SUGCT: variants seen among roughly 807,000 people sequenced by gnomAD.
The protein encoded by SUGCT is succinyl-CoA:glutarate-CoA transferase, also known as succinyl-CoA:glutarate CoA-transferase.
In SUGCT, 41 loss-of-function variants were observed where a neutral mutation model predicts 55.0. The observed-to-expected ratio is 0.74, with a 90% confidence interval of 0.58 to 0.97. SUGCT has a LOEUF of 0.97. Among genes scored for constraint, SUGCT ranks in the 50% least tolerant of loss-of-function variants. The pLI, the probability that SUGCT is intolerant of heterozygous loss-of-function variation, is 0.00. For missense variants in SUGCT, 568 were observed against 547.8 expected, an observed-to-expected ratio of 1.04 and a Z score of -0.37; for synonymous variants, 187 against 200.4, an observed-to-expected ratio of 0.93 and a Z score of 0.56.
At chr7:40,708,554 G>A (rs1019397741) in intron 12 of SUGCT, among the ~76,000 whole-genome samples, 1 of 152,028 alleles carries the variant, frequency 6.6e-6, no homozygotes, top group Non-Finnish European at 1.5e-5. Flanking sequence ...GAGGCCTTCC[G>A]ATCACATCAT....
chr7:40,324,315 G>A (rs544178339), intron 9 of SUGCT, among the ~76,000 whole-genome samples: 2 of 148,126 alleles, frequency 1.4e-5, no homozygotes, highest in Non-Finnish European at 3.0e-5. Flanking sequence ...GAGTGCAGTG[G>A]CGCAATCTCA....
At chr7:40,835,435 T>C (rs1191567375) in intron 13 of SUGCT, among the ~76,000 whole-genome samples, 1 of 152,248 alleles carries the variant, frequency 6.6e-6, no homozygotes. Flanking sequence ...TGATGGCTCC[T>C]ACAAGCACTT....
chr7:40,715,542 GC>G (rs908215924), intron 12 of SUGCT, among the ~76,000 whole-genome samples: 1 of 151,940 alleles, frequency 6.6e-6, no homozygotes, highest in Non-Finnish European at 1.5e-5. Context: ...GCTTACCTTT[GC>G]CCCCCCTCAT....
chr7:40,348,025 C>A (rs1797416642), intron 9 of SUGCT, among the ~76,000 whole-genome samples: 1 of 152,148 alleles, frequency 6.6e-6, no homozygotes. Context: ...ATGACCCTAC[C>A]CCTTGTAAGG....
chr7:40,293,837 T>A (rs1477362636), intron 8 of SUGCT, among the ~76,000 whole-genome samples: 1 of 152,230 alleles, frequency 6.6e-6, no homozygotes, highest in Non-Finnish European at 1.5e-5. Flanking sequence ...AAGTTGTAAT[T>A]GTAGCAACTT....
At chr7:40,495,765 C>T (rs2151517648) in intron 11 of SUGCT, among the ~76,000 whole-genome samples, 1 of 152,258 alleles carries the variant, frequency 6.6e-6, no homozygotes, top group Non-Finnish European at 1.5e-5. Flanking sequence ...CTTTGCATGT[C>T]TTGAGTTGTG....
the SUGCT span, among the ~76,000 whole-genome samples, chr7:40,867,551 A>G: frequency 6.6e-6 from 1 of 152,218 alleles, no homozygotes; most frequent in East Asian, 1.9e-4. Context: ...TAAAAATTGT[A>G]TTAGTAGGAA....
At chr7:40,424,861 AT>A (rs1299730042) in intron 9 of SUGCT, among the ~76,000 whole-genome samples, 2 of 152,082 alleles carry the variant, frequency 1.3e-5, no homozygotes, top group East Asian at 3.9e-4. Flanking sequence ...TTGTAGACTT[AT>A]TGAAGAATAA....
the SUGCT span, among the ~76,000 whole-genome samples, chr7:40,866,562 G>C: frequency 6.0e-5 from 9 of 151,202 alleles, no homozygotes; most frequent in Non-Finnish European, 1.2e-4. Context: ...GGGAAGGACA[G>C]AAATGCAGCA....
chr7:40,796,922 G>T (rs17620991), intron 13 of SUGCT, among the ~76,000 whole-genome samples: 4 of 152,132 alleles, frequency 2.6e-5, no homozygotes, highest in African/African-American at 9.7e-5. Flanking sequence ...AGACAAGGCA[G>T]GTCCCTGAGG....
intron 9 of SUGCT, among the ~76,000 whole-genome samples, chr7:40,407,799 A>T (rs1786460519): frequency 6.6e-6 from 1 of 152,082 alleles, no homozygotes; most frequent in Non-Finnish European, 1.5e-5. Context: ...CCTCTAAACG[A>T]GACTATCTTA....
intron 8 of SUGCT, among the ~76,000 whole-genome samples, chr7:40,300,811 T>C (rs1247923179): frequency 1.3e-5 from 2 of 152,210 alleles, no homozygotes; most frequent in Non-Finnish European, 2.9e-5. Context: ...CTGAAATCAG[T>C]TTCCTTGATT....
At chr7:40,640,819 T>C (rs977606613) in intron 12 of SUGCT, among the ~76,000 whole-genome samples, 9 of 152,238 alleles carry the variant, frequency 5.9e-5, no homozygotes, top group Non-Finnish European at 1.2e-4. Flanking sequence ...GTTTAGGTCC[T>C]TTGCCAAATG....
intron 12 of SUGCT, among the ~76,000 whole-genome samples, chr7:40,593,791 A>G (rs1797854420): frequency 6.6e-6 from 1 of 152,262 alleles, no homozygotes. Flanking sequence ...GTGAGCTGAG[A>G]TTGCGTCACT....
chr7:40,796,376 T>C (rs776137805), intron 13 of SUGCT, among the ~76,000 whole-genome samples: 1 of 152,146 alleles, frequency 6.6e-6, no homozygotes, highest in Non-Finnish European at 1.5e-5. Flanking sequence ...ACCTGGACAT[T>C]TCTGAGAAGA....
chr7:40,350,990 G>A (rs1218363018), intron 9 of SUGCT, among the ~76,000 whole-genome samples: 1 of 152,052 alleles, frequency 6.6e-6, no homozygotes, highest in African/African-American at 2.4e-5. Flanking sequence ...TGGCTGCAAA[G>A]TATTCCATGG....
At chr7:40,319,256 C>T (rs1033675288) in intron 9 of SUGCT, among the ~76,000 whole-genome samples, 2 of 152,102 alleles carry the variant, frequency 1.3e-5, no homozygotes, top group African/African-American at 4.8e-5. Flanking sequence ...TTCCTCTTCC[C>T]AAGAACTAGT....
At chr7:40,166,760 G>T (rs758124749) in intron 1 of SUGCT, among the ~76,000 whole-genome samples, 1 of 151,906 alleles carries the variant, frequency 6.6e-6, no homozygotes, top group Non-Finnish European at 1.5e-5. Flanking sequence ...GGTGGTGGGT[G>T]CCTGTAATTC....
intron 1 of SUGCT, among the ~76,000 whole-genome samples, chr7:40,172,320 C>G (rs1198291452): frequency 6.6e-6 from 1 of 152,050 alleles, no homozygotes; most frequent in Non-Finnish European, 1.5e-5. Flanking sequence ...GGGGTCCTGG[C>G]AAGGGTGGTG....
Sources: allele counts gnomAD v4.1 joint callset (sites outside exome capture counted in the v4.1 genomes callset), GRCh38; gene constraint gnomAD v4.1.1; transcripts MANE v1.5; gene names NCBI Gene and HGNC (gene_info 2026-07-23, HGNC 2026-07-21).